Variants in ADIPOR2 observed in about 807,000 individuals in gnomAD.
The protein encoded by ADIPOR2 is adiponectin receptor protein 2.
A neutral mutation model predicts 40.9 loss-of-function variants in ADIPOR2; 18 were observed. That is an observed-to-expected ratio of 0.44 (90% CI 0.30 to 0.65). The LOEUF (loss-of-function observed/expected upper bound fraction) is 0.65, where lower values mean the gene tolerates loss of function less well. Ranked by LOEUF, ADIPOR2 falls within the 30% of genes least tolerant of loss-of-function variation. ADIPOR2 has a pLI of 0.09. For synonymous variants in ADIPOR2, 165 were observed against 166.4 expected (o/e 0.99, Z 0.06); for missense variants, 283 against 479.2 (o/e 0.59, Z 3.82).
In ADIPOR2 at chr12:1,786,572, T is replaced by G. The variant is rs1210484484; in HGVS notation, c.*500T>G. On this transcript the variant is annotated 3_prime_UTR_variant, in exon 8 of 8. Transcript: ENST00000357103. ...TAAATAAGATTTCTAACTGTTTAAA[T>G]AAGACTTTATATAAATGTTTAAAAC... 6.5e-6 allele frequency: 1 copy of G among 153,740 alleles called. No homozygotes were observed. The allele number at this position is 153,740 out of a possible 1,614,324, so 9.5% of individuals were successfully genotyped here. A position where few individuals can be genotyped will look rare whatever the true frequency, so the allele number is the denominator to read the frequency against.
chr12:1,696,925 A>C (rs1027516146), intron 1 of ADIPOR2: 2 of 152,986 alleles, frequency 1.3e-5, no homozygotes, highest in African/African-American at 4.8e-5. Flanking sequence ...GTCTTCCCTA[A>C]AGTTCTTGTC....
At chr12:1,752,423 C>G (rs1339103424) in intron 1 of ADIPOR2, among the ~76,000 whole-genome samples, 2 of 151,912 alleles carry the variant, frequency 1.3e-5, no homozygotes, top group African/African-American at 4.8e-5. Flanking sequence ...TTCAAGAACA[C>G]TTTACAAAGC....
chr12:1,734,531 A>C (rs1178797085), intron 1 of ADIPOR2, among the ~76,000 whole-genome samples: 1 of 152,064 alleles, frequency 6.6e-6, no homozygotes, highest in Non-Finnish European at 1.5e-5. Flanking sequence ...AGATGAGTAG[A>C]TTGCAAAAGT....
intron 1 of ADIPOR2, among the ~76,000 whole-genome samples, chr12:1,717,094 T>C (rs1410715161): frequency 2.0e-5 from 3 of 152,220 alleles, no homozygotes; most frequent in Admixed American, 6.5e-5. Context: ...TAGTGTTAAG[T>C]TGAGATGAGT....
intron 1 of ADIPOR2, among the ~76,000 whole-genome samples, chr12:1,753,086 C>T (rs1862038218): frequency 1.3e-5 from 2 of 152,196 alleles, no homozygotes; most frequent in South Asian, 4.1e-4. Flanking sequence ...AATTCTTAGT[C>T]TATGTATCCA....
At chr12:1,708,414 T>G (rs1592576279) in intron 1 of ADIPOR2, among the ~76,000 whole-genome samples, 2 of 152,332 alleles carry the variant, frequency 1.3e-5, no homozygotes, top group East Asian at 3.9e-4. Flanking sequence ...TACTTATGGT[T>G]AGTGCTTTTT....
At position 1,779,663 on chromosome 12, in the gene ADIPOR2, T is replaced by G. The variant is rs116125724; in HGVS notation, c.464-788T>G. On this transcript the variant is annotated intron_variant, in intron 4 of 7. Transcript: ENST00000357103. ...TTTGATTTGCATTTCTTATCACACA[T>G]TTGATTTCCATGGTGCCTCTAAGTT... is the stretch of plus-strand genomic sequence containing the variant. Among the ~76,000 whole-genome samples, 370 of 152,346 alleles carry G rather than the reference T, an allele frequency of 2.4e-3. 1 individual carries two copies. The highest frequency in any genetic ancestry group is 8.6e-3 in the African/African-American group (358 of 41,576).
At chr12:1,743,250 A>AAAAAC (rs1253954341) in intron 1 of ADIPOR2, among the ~76,000 whole-genome samples, 1 of 145,034 alleles carries the variant, frequency 6.9e-6, no homozygotes, top group African/African-American at 2.5e-5. Flanking sequence ...AAAAAAACAA[A>AAAAAC]GCAGTGAGCC....
intron 1 of ADIPOR2, among the ~76,000 whole-genome samples, chr12:1,708,273 T>C (rs567768098): frequency 6.6e-6 from 1 of 152,200 alleles, no homozygotes; most frequent in Admixed American, 6.5e-5. Flanking sequence ...AGAGGGGTTC[T>C]TGAAACCAGT....
chr12:1,743,286 T>A (rs2094747456), intron 1 of ADIPOR2, among the ~76,000 whole-genome samples: 1 of 97,666 alleles, frequency 1.0e-5, no homozygotes, highest in Non-Finnish European at 2.3e-5. Flanking sequence ...CACTCCAGCC[T>A]GGGTAACAGA....
intron 1 of ADIPOR2, among the ~76,000 whole-genome samples, chr12:1,701,228 A>G (rs1043040003): frequency 6.9e-6 from 1 of 145,186 alleles, no homozygotes; most frequent in Non-Finnish European, 1.5e-5. Context: ...CCTTTGCTTG[A>G]GCAGTCCTCC....
intron 1 of ADIPOR2, among the ~76,000 whole-genome samples, chr12:1,732,557 C>G (rs2094722560): frequency 6.6e-6 from 1 of 152,174 alleles, no homozygotes; most frequent in African/African-American, 2.4e-5. Context: ...ATTCATTGAC[C>G]TATTAAAGAC....
intron 2 of ADIPOR2, among the ~76,000 whole-genome samples, chr12:1,756,203 T>C (rs1441124922): frequency 1.3e-5 from 2 of 152,044 alleles, no homozygotes; most frequent in South Asian, 4.1e-4. Context: ...CAGGCTGGAG[T>C]GCAGTGGCAC....
At position 1,786,409 on chromosome 12, in the gene ADIPOR2, G is replaced by GT. The variant is rs1862836857; in HGVS notation, c.*340dup. The GT allele has an allele frequency of 1.4e-5, 3 of 220,608 alleles. No individual in the cohort carries two copies. Among genetic ancestry groups the GT allele is most frequent in the Non-Finnish European group, 2.7e-5 (3 of 111,294 alleles). 13.7% of individuals were successfully genotyped at this position (220,608 alleles called of 1,614,324 possible). On this transcript the variant is annotated 3_prime_UTR_variant, in exon 8 of 8. Coordinates refer to ENST00000357103, the MANE Select transcript of ADIPOR2 (RefSeq NM_024551.3). ...TTTATTTGTAGAAGATGGCGAAACA[G>GT]TTTAGCTGGTGGTTCTTTCTTCTCC... is the stretch of plus-strand genomic sequence containing the variant.
At chr12:1,780,711 T>A in intron 5 of ADIPOR2, 74 bp downstream of exon 5, 1 of 1,432,122 alleles carries the variant, frequency 7.0e-7, no homozygotes, top group Non-Finnish European at 9.3e-7. Context: ...TTCAGCAGAG[T>A]TGGCAGAATT....
At chr12:1,732,660 AT>A (rs1473210343) in intron 1 of ADIPOR2, among the ~76,000 whole-genome samples, 7 of 152,190 alleles carry the variant, frequency 4.6e-5, no homozygotes, top group Non-Finnish European at 1.0e-4. Context: ...TTTTTAACTC[AT>A]TTGGGTAAAT....
At chr12:1,707,730 C>G (rs11061938) in intron 1 of ADIPOR2, among the ~76,000 whole-genome samples, 6,614 of 152,236 alleles carry the variant, frequency 0.043, 240 homozygotes, top group East Asian at 0.18. Context: ...GCCTCAGTCT[C>G]CCAAAGTGCT....
In ADIPOR2 at chr12:1,694,812, CT is replaced by C. The variant is rs201414995; in HGVS notation, c.-87+3629del. Among the ~76,000 whole-genome samples the C allele has an allele frequency of 9.2e-5, 14 of 152,024 alleles. No individual in the cohort carries two copies. In the East Asian group the frequency reaches 9.6e-4, roughly 10 times the overall value. On this transcript the variant is annotated intron_variant, in intron 1 of 7. Transcript: ENST00000357103. Reference sequence around the variant, plus strand: ...GCATATTCAGAATTTAAAAATTACACTTTTTTTTAGCAGCTTTAGATGTACA... The same window carrying C: ...GCATATTCAGAATTTAAAAATTACACTTTTTTTAGCAGCTTTAGATGTACA...
At chr12:1,707,302 T>TGG (rs2094665484) in intron 1 of ADIPOR2, among the ~76,000 whole-genome samples, 2 of 152,324 alleles carry the variant, frequency 1.3e-5, no homozygotes, top group Admixed American at 1.3e-4. Flanking sequence ...CTGAGTCATA[T>TGG]GGTGTATATT....
Sources: allele counts gnomAD v4.1 joint callset (sites outside exome capture counted in the v4.1 genomes callset), GRCh38; gene constraint gnomAD v4.1.1; transcripts MANE v1.5; gene names NCBI Gene and HGNC (gene_info 2026-07-23, HGNC 2026-07-21).